WDR47: variants seen among roughly 807,000 people sequenced by gnomAD.
WDR47 encodes the protein WD repeat domain 47.
Under a neutral mutation model 97.2 loss-of-function variants are expected in WDR47, and 32 were observed. That is an observed-to-expected ratio of 0.33 (90% CI 0.25 to 0.44). WDR47 has a LOEUF of 0.44. WDR47 is among the 20% of genes least tolerant of loss of function. WDR47 has a pLI of 1.00. For missense variants in WDR47, 782 were observed against 1,102.3 expected, an observed-to-expected ratio of 0.71 and a Z score of 4.11; for synonymous variants, 375 against 373.5, an observed-to-expected ratio of 1.00 and a Z score of -0.05.
chr1:109,020,443 G>A (rs1023293212), intron 2 of WDR47, among the ~76,000 whole-genome samples: 1 of 151,920 alleles, frequency 6.6e-6, no homozygotes, highest in African/African-American at 2.4e-5. Context: ...TGTATTTTTA[G>A]TAGAGACGGG....
chr1:109,001,331 TA>T (rs1660171366), intron 7 of WDR47, among the ~76,000 whole-genome samples: 1 of 151,660 alleles, frequency 6.6e-6, no homozygotes, highest in Non-Finnish European at 1.5e-5. Context: ...AATAAAATAA[TA>T]AAAAATAAAC....
rs1657430723 is a variant in WDR47, at chr1:108,971,223, C to G, written c.*207G>C. On this transcript the variant is annotated 3_prime_UTR_variant, in exon 15 of 15. Coordinates refer to ENST00000369962, the MANE Select transcript of WDR47 (RefSeq NM_001142551.2). ...GGCAACGAGACTACATATAGCAGGT[C>G]ACAGCAGCACGAGCTCACATGGAAG... 3.3e-6 allele frequency: 2 copies of G among 609,702 alleles called. No individual in the cohort carries two copies. The highest frequency in any genetic ancestry group is 5.5e-6 in the Non-Finnish European group (2 of 366,770). 37.8% of individuals were successfully genotyped at this position (609,702 alleles called of 1,614,324 possible).
chr1:108,990,372 C>T (rs1213704271), intron 9 of WDR47, among the ~76,000 whole-genome samples: 1 of 151,854 alleles, frequency 6.6e-6, no homozygotes, highest in Non-Finnish European at 1.5e-5. Flanking sequence ...CTATGCCTGG[C>T]TAATTTTTGT....
intron 1 of WDR47, among the ~76,000 whole-genome samples, chr1:109,024,185 C>A (rs1157950231): frequency 1.3e-5 from 2 of 152,190 alleles, no homozygotes; most frequent in East Asian, 3.8e-4. Flanking sequence ...GGTGTAGTGG[C>A]GTACGCCTGT....
At chr1:108,992,473 T>C in intron 8 of WDR47, 4 of 1,539,354 alleles carry the variant, frequency 2.6e-6, no homozygotes, top group South Asian at 1.1e-5. Context: ...GACGTTACAA[T>C]GGTGGAGTTG....
At chr1:109,002,195 A>G (rs373428532) in intron 7 of WDR47, 29 bp downstream of exon 7, 14 of 1,521,158 alleles carry the variant, frequency 9.2e-6, no homozygotes, top group Non-Finnish European at 1.2e-5. Flanking sequence ...AAATAACTCC[A>G]TATTTTAAAA....
intron 14 of WDR47, among the ~76,000 whole-genome samples, chr1:108,973,380 T>C (rs1657631835): frequency 1.3e-5 from 2 of 152,224 alleles, no homozygotes; most frequent in South Asian, 4.1e-4. Flanking sequence ...ACATTGTTTA[T>C]TGGTTTACTT....
chr1:109,027,804 G>A (rs1317782682), intron 1 of WDR47, among the ~76,000 whole-genome samples: 1 of 152,160 alleles, frequency 6.6e-6, no homozygotes, highest in Non-Finnish European at 1.5e-5. Context: ...TTACAGGCAT[G>A]AGCCACCATG....
Position 109,002,382 on chromosome 1 carries a change from T to C in WDR47, c.1275A>G (p.Gln425=). The C allele has an allele frequency of 6.2e-7, 1 of 1,603,302 alleles. No homozygotes were observed. The highest frequency in any genetic ancestry group is 1.7e-5 in the Admixed American group (1 of 58,132). Residue 425 remains glutamine (Q), a synonymous_variant, in exon 7 of 15, where the codon CAA becomes CAG. Transcript: ENST00000369962. ...ATCTTTGCCTATAATATTCTTGAAA[T>C]TGTTCTGTTGAATCTCGAAGCTTAA... The part of the protein sequence containing the change: ...EKNELRDSTE[Q]FQEYYRQRLR...
intron 1 of WDR47, among the ~76,000 whole-genome samples, chr1:109,037,589 T>C (rs36108038): frequency 0.077 from 10,371 of 134,328 alleles, 475 homozygotes; most frequent in Middle Eastern, 0.18. Context: ...ATCGCACCAC[T>C]GCACTCCAGC....
At chr1:109,039,515 C>A (rs1233763212) in intron 1 of WDR47, among the ~76,000 whole-genome samples, 1 of 152,184 alleles carries the variant, frequency 6.6e-6, no homozygotes, top group Non-Finnish European at 1.5e-5. Context: ...GCTTTGGCCT[C>A]CCAAAGTGCT....
At chr1:108,982,446 C>T (rs1055069855) in intron 12 of WDR47, among the ~76,000 whole-genome samples, 163 bp downstream of exon 12, 1 of 152,068 alleles carries the variant, frequency 6.6e-6, no homozygotes, top group African/African-American at 2.4e-5. Flanking sequence ...GTGGGAGGAT[C>T]ACTTGACCTC....
chr1:108,997,286 A>G (rs1347405182), intron 7 of WDR47, among the ~76,000 whole-genome samples: 4 of 151,376 alleles, frequency 2.6e-5, no homozygotes, highest in Non-Finnish European at 5.9e-5. Flanking sequence ...GAAAAGAAAA[A>G]GAAAAACTTA....
chr1:109,011,191 A>T lies in WDR47; in HGVS notation c.855T>A (p.Thr285=), dbSNP rs768616406. ...PTKAAYADLL[T]PLISKLSPYP... is the part of the protein sequence containing the mutation. Reference sequence around the variant, plus strand: ...AGGGAGAGAGTTTGCTGATAAGAGGAGTCAAAAGATCAGCATATGCAGCTT... The same window carrying T: ...AGGGAGAGAGTTTGCTGATAAGAGGTGTCAAAAGATCAGCATATGCAGCTT... The change falls in exon 5 of 15, where the codon ACT becomes ACA. Residue 285 remains threonine, a synonymous_variant. Coordinates refer to ENST00000369962, the MANE Select transcript of WDR47 (RefSeq NM_001142551.2). 6.2e-6 allele frequency: 10 copies of T among 1,614,068 alleles called. No homozygotes were observed. Among genetic ancestry groups the T allele is most frequent in the Non-Finnish European group, 8.5e-6 (10 of 1,180,044 alleles).
chr1:109,013,814 G>A, intron 4 of WDR47, 27 bp downstream of exon 4: 2 of 1,609,670 alleles, frequency 1.2e-6, no homozygotes, highest in Non-Finnish European at 1.7e-6. Flanking sequence ...AGACTAGGGC[G>A]CAAACCTTCA....
At position 109,011,101 on chromosome 1, in the gene WDR47, A is replaced by T. The variant is rs1231810774; in HGVS notation, c.945T>A (p.Pro315=). 1 of 1,614,160 alleles carries T rather than the reference A, an allele frequency of 6.2e-7. No homozygotes were observed. Among genetic ancestry groups the T allele is most frequent in the Admixed American group, 1.7e-5 (1 of 60,002 alleles). ...ADAYMTRSLN[P]ALDGLTCGLT... Reference sequence around the variant, plus strand: ...GTCCACAGGTGAGGCCATCTAAAGCAGGATTCAGAGAGCGGGTCATATAGG... The same window carrying T: ...GTCCACAGGTGAGGCCATCTAAAGCTGGATTCAGAGAGCGGGTCATATAGG... Residue 315 remains proline, a synonymous_variant, in exon 5 of 15, where the codon CCT becomes CCA. Transcript: ENST00000369962.
chr1:109,010,433 C>T (rs1423007675), intron 5 of WDR47, among the ~76,000 whole-genome samples: 1 of 151,902 alleles, frequency 6.6e-6, no homozygotes, highest in Non-Finnish European at 1.5e-5. Context: ...TGGTGTGTGC[C>T]GGTAGTCCCA....
At position 108,991,282 on chromosome 1, in the gene WDR47, C is replaced by T. The variant is rs933003171; in HGVS notation, c.1739G>A (p.Gly580Glu). 3.1e-6 allele frequency: 5 copies of T among 1,613,002 alleles called. No individual in the cohort carries two copies. The highest frequency in any genetic ancestry group is 4.2e-6 in the Non-Finnish European group (5 of 1,179,344). Residue 580 changes from glycine (G) to glutamate (E), a missense_variant, in exon 9 of 15, where the codon GGG (glycine) becomes GAG (glutamate). Coordinates refer to ENST00000369962, the MANE Select transcript of WDR47 (RefSeq NM_001142551.2). ...VIKPPLGDSP[G>E]SLSRSKGEED... is the part of the protein sequence containing the mutation. The stretch of plus-strand genomic sequence containing the variant: ...TTCCCCTTTCGACCTTGAAAGACTC[C>T]CTGGAGAATCTCCAAGAGGTGGCTT...
chr1:108,982,519 C>T, intron 12 of WDR47, 90 bp downstream of exon 12: 1 of 1,456,362 alleles, frequency 6.9e-7, no homozygotes, highest in South Asian at 1.4e-5. Flanking sequence ...AAGAGCAAGA[C>T]CCTGTCTCTT....
Sources: allele counts gnomAD v4.1 joint callset (sites outside exome capture counted in the v4.1 genomes callset), GRCh38; gene constraint gnomAD v4.1.1; transcripts MANE v1.5; gene names NCBI Gene and HGNC (gene_info 2026-07-23, HGNC 2026-07-21).